RLIG1: variants seen among roughly 807,000 people sequenced by gnomAD.
The protein encoded by RLIG1 is RNA 5'-phosphate and 3'-OH ligase 1.
the RLIG1 span, among the ~76,000 whole-genome samples, chr12:88,046,643 G>A: frequency 6.6e-6 from 1 of 152,156 alleles, no homozygotes; most frequent in Non-Finnish European, 1.5e-5. Flanking sequence ...AGAGTTATTG[G>A]AATAAGGTGC....
the RLIG1 span, among the ~76,000 whole-genome samples, chr12:88,040,628 ATGGGACCTATGTTCG>A: frequency 6.6e-6 from 1 of 152,146 alleles, no homozygotes; most frequent in Non-Finnish European, 1.5e-5. Flanking sequence ...TGAACTGGCA[ATGGGACCTATGTTCG>A]TGTGACCCTT....
At chr12:88,043,923 T>C in the RLIG1 span, 3 of 549,942 alleles carry the variant, frequency 5.5e-6, no homozygotes. Context: ...TTAGAATCTT[T>C]TCTAAGATGG....
At chr12:88,038,195 A>T in the RLIG1 span, among the ~76,000 whole-genome samples, 1 of 152,150 alleles carries the variant, frequency 6.6e-6, no homozygotes, top group African/African-American at 2.4e-5. Context: ...CATCTCTAAG[A>T]TGGCATAGTG....
chr12:88,045,682 T>A, the RLIG1 span: 1 of 1,613,278 alleles, frequency 6.2e-7, no homozygotes. Context: ...ATCATCCTGA[T>A]GATTCTGGAC....
At chr12:88,049,227 A>T in the RLIG1 span, 13 of 1,604,488 alleles carry the variant, frequency 8.1e-6, no homozygotes, top group Middle Eastern at 6.7e-4. Context: ...TTCATCTTCA[A>T]ACTCTTCAGA....
chr12:88,049,402 T>G, the RLIG1 span: 13 of 1,459,840 alleles, frequency 8.9e-6, no homozygotes, highest in East Asian at 2.3e-5. Flanking sequence ...TTTTTCAGCT[T>G]CTTTATTTCC....
chr12:88,038,763 C>T, the RLIG1 span, among the ~76,000 whole-genome samples: 1 of 152,022 alleles, frequency 6.6e-6, no homozygotes, highest in Non-Finnish European at 1.5e-5. Context: ...TAGAATAGTT[C>T]TGAAAATTAA....
At chr12:88,036,847 T>A in the RLIG1 span, among the ~76,000 whole-genome samples, 15 of 152,226 alleles carry the variant, frequency 9.9e-5, no homozygotes, top group Non-Finnish European at 1.9e-4. Flanking sequence ...CTTTTTTTTT[T>A]AGCTGTAACA....
the RLIG1 span, chr12:88,043,979 G>C: frequency 2.4e-6 from 1 of 412,224 alleles, no homozygotes; most frequent in African/African-American, 2.1e-5. Flanking sequence ...CGTCAAAAGA[G>C]AATAGCCTTG....
At chr12:88,048,560 C>CAA in the RLIG1 span, 2 of 571,538 alleles carry the variant, frequency 3.5e-6, no homozygotes, top group Middle Eastern at 5.1e-4. Context: ...TTTCCAGTTT[C>CAA]AAGTACCTAT....
At chr12:88,035,636 T>C in the RLIG1 span, 3 of 1,597,006 alleles carry the variant, frequency 1.9e-6, no homozygotes, top group South Asian at 3.4e-5. Context: ...TCGCACTGCT[T>C]GTTGGGCTCA....
chr12:88,046,650 G>A, the RLIG1 span, among the ~76,000 whole-genome samples: 2 of 152,194 alleles, frequency 1.3e-5, no homozygotes, highest in African/African-American at 2.4e-5. Flanking sequence ...TTGGAATAAG[G>A]TGCCAGTGCA....
chr12:88,036,962 C>T, the RLIG1 span, among the ~76,000 whole-genome samples: 1 of 152,084 alleles, frequency 6.6e-6, no homozygotes, highest in Admixed American at 6.6e-5. Flanking sequence ...TATTCTCCAC[C>T]AGGGAAAATA....
At chr12:88,045,551 A>G in the RLIG1 span, 346 of 1,524,638 alleles carry the variant, frequency 2.3e-4, no homozygotes, top group Admixed American at 3.9e-4. Flanking sequence ...AAACGATCTA[A>G]TAACAAATAA....
the RLIG1 span, chr12:88,035,804 G>C: frequency 3.2e-6 from 5 of 1,548,792 alleles, no homozygotes; most frequent in Non-Finnish European, 4.4e-6. Context: ...CTGGCTCAGT[G>C]CGAACCCGGC....
At chr12:88,048,336 T>G in the RLIG1 span, 4 of 1,606,070 alleles carry the variant, frequency 2.5e-6, no homozygotes, top group South Asian at 3.4e-5. Context: ...TGACTCTGCC[T>G]TTGATATTAA....
the RLIG1 span, chr12:88,035,771 C>T: frequency 6.4e-7 from 1 of 1,562,642 alleles, no homozygotes; most frequent in Non-Finnish European, 8.7e-7. Context: ...CTTGGCGGCC[C>T]GCGTGGGCTC....
chr12:88,037,614 GCAT>G, the RLIG1 span, among the ~76,000 whole-genome samples: 1 of 152,170 alleles, frequency 6.6e-6, no homozygotes, highest in Non-Finnish European at 1.5e-5. Context: ...TTTGAAACCA[GCAT>G]CATAAGTTAG....
At chr12:88,041,068 T>C in the RLIG1 span, among the ~76,000 whole-genome samples, 2 of 152,182 alleles carry the variant, frequency 1.3e-5, no homozygotes, top group Non-Finnish European at 2.9e-5. Flanking sequence ...TTGTTTTCAT[T>C]TTATAAAACT....
Sources: allele counts gnomAD v4.1 joint callset (sites outside exome capture counted in the v4.1 genomes callset), GRCh38; gene constraint gnomAD v4.1.1; transcripts MANE v1.5; gene names NCBI Gene and HGNC (gene_info 2026-07-23, HGNC 2026-07-21).